CDKL2: variants seen among roughly 807,000 people sequenced by gnomAD.
The protein encoded by CDKL2 is cyclin dependent kinase like 2.
Under a neutral mutation model 63.9 loss-of-function variants are expected in CDKL2, and 64 were observed. That is an observed-to-expected ratio of 1.00 (90% CI 0.82 to 1.23). CDKL2 has a LOEUF of 1.23. Ranked by LOEUF, CDKL2 falls within the 50% of genes most tolerant of loss-of-function variation. CDKL2 has a pLI of 0.00. For synonymous variants in CDKL2, 211 were observed against 229.2 expected, an observed-to-expected ratio of 0.92 and a Z score of 0.72; for missense variants, 656 against 668.0, an observed-to-expected ratio of 0.98 and a Z score of 0.20.
At chr4:75,620,963 T>G in intron 2 of CDKL2, among the ~76,000 whole-genome samples, 1 of 147,776 alleles carries the variant, frequency 6.8e-6, no homozygotes, top group Non-Finnish European at 1.5e-5. Context: ...TGAGATGGAG[T>G]CTTACTCTGT....
chr4:75,626,839 T>C (rs893699660), intron 1 of CDKL2, among the ~76,000 whole-genome samples: 2 of 150,450 alleles, frequency 1.3e-5, no homozygotes, highest in African/African-American at 4.9e-5. Context: ...TGCAGTGAGC[T>C]GTGATGGCAC....
chr4:75,612,043 T>C (rs369827355), intron 3 of CDKL2, among the ~76,000 whole-genome samples: 5 of 152,242 alleles, frequency 3.3e-5, no homozygotes, highest in South Asian at 2.1e-4. Flanking sequence ...CGATCTCAGC[T>C]CACTGCAACC....
At chr4:75,627,394 T>A (rs928586822) in intron 1 of CDKL2, among the ~76,000 whole-genome samples, 3 of 151,776 alleles carry the variant, frequency 2.0e-5, no homozygotes, top group Non-Finnish European at 4.4e-5. Flanking sequence ...TGCCTCCGCC[T>A]CTGAGTAGCT....
intron 10 of CDKL2, among the ~76,000 whole-genome samples, chr4:75,593,838 G>A (rs941932713): frequency 1.3e-5 from 2 of 152,218 alleles, no homozygotes; most frequent in Non-Finnish European, 1.5e-5. Flanking sequence ...TGAAGATAGT[G>A]AGAGAAATAG....
At position 75,614,303 on chromosome 4, in the gene CDKL2, C is replaced by A; in HGVS notation, c.315G>T (p.Lys105Asn). 1.2e-6 allele frequency: 2 copies of A among 1,609,408 alleles called. No homozygotes were observed. Among genetic ancestry groups the A allele is most frequent in the Non-Finnish European group, 1.7e-6 (2 of 1,178,524 alleles). ...TTCCATTAATAATCTGAAACAAATA[C>A]TTTTGAACTACTTGGTAGTCTAGTC... ...PNGLDYQVVQ[K>N]YLFQIINGIG... Residue 105 changes from lysine to asparagine, a missense_variant, in exon 3 of 14, where the codon AAG (lysine) becomes AAT (asparagine). By Grantham distance (94) the Lys-to-Asn change is moderately conservative. Transcript: ENST00000307465.
intron 12 of CDKL2, among the ~76,000 whole-genome samples, chr4:75,584,545 AAAAT>A (rs965977565): frequency 6.8e-4 from 103 of 152,200 alleles, no homozygotes; most frequent in Admixed American, 2.0e-4. Context: ...AAACTGTGAG[AAAAT>A]AAATAGATAT....
At chr4:75,583,358 T>TTGAATGTGTGGGCCACTTCTATTCACATA (rs1451691793) in intron 12 of CDKL2, among the ~76,000 whole-genome samples, 1 of 152,232 alleles carries the variant, frequency 6.6e-6, no homozygotes, top group Non-Finnish European at 1.5e-5. Flanking sequence ...CATATTCATG[T>TTGAATGTGTGGGCCACTTCTATTCACATA]TTCATAGCTC....
At chr4:75,582,883 ATC>A (rs1222192707) in intron 12 of CDKL2, among the ~76,000 whole-genome samples, 4 of 152,228 alleles carry the variant, frequency 2.6e-5, no homozygotes, top group African/African-American at 9.6e-5. Context: ...GAAGAATCCC[ATC>A]TTTATAGTGC....
chr4:75,594,009 C>A (rs1263715778), intron 10 of CDKL2, among the ~76,000 whole-genome samples: 1 of 152,174 alleles, frequency 6.6e-6, no homozygotes, highest in African/African-American at 2.4e-5. Context: ...CCTAGACTTT[C>A]TTCAACTTGT....
At position 75,598,216 on chromosome 4, in the gene CDKL2, C is replaced by T; in HGVS notation, c.885-4G>A. ...TAACTGTAGTTCTTGGGAAAACCTA[C>T]ATAAAAATATAATAAAATAAAATTG... On this transcript the variant is annotated splice_polypyrimidine_tract_variant and splice_region_variant and intron_variant, in intron 7 of 13. Coordinates refer to ENST00000307465, the MANE Select transcript of CDKL2 (RefSeq NM_001330724.2). The T allele has an allele frequency of 7.2e-7, 1 of 1,391,306 alleles. No homozygotes were observed. The highest frequency in any genetic ancestry group is 2.4e-5 in the East Asian group (1 of 40,972). 86.2% of individuals were successfully genotyped at this position (1,391,306 alleles called of 1,614,324 possible). A position where few individuals can be genotyped will look rare whatever the true frequency, so the allele number is the denominator to read the frequency against.
intron 3 of CDKL2, among the ~76,000 whole-genome samples, chr4:75,613,965 G>C (rs1729813692): frequency 6.6e-6 from 1 of 152,160 alleles, no homozygotes; most frequent in Non-Finnish European, 1.5e-5. Flanking sequence ...GCTGAGGCAA[G>C]AGAATCACTT....
Position 75,588,003 on chromosome 4 carries a change from T to A in CDKL2, c.1647+3816A>T, listed in dbSNP as rs567677414. On this transcript the variant is annotated intron_variant, in intron 12 of 13. Coordinates refer to ENST00000307465, the MANE Select transcript of CDKL2 (RefSeq NM_001330724.2). Reference sequence around the variant, plus strand: ...GCCAAGGCAGGCGGATCACCTGAGGTCGGGAGTTCAAGACCAGCCTGACCA... The same window carrying A: ...GCCAAGGCAGGCGGATCACCTGAGGACGGGAGTTCAAGACCAGCCTGACCA... Among the ~76,000 whole-genome samples, 20 of 150,862 alleles carry A rather than the reference T, an allele frequency of 1.3e-4. No homozygotes were observed. In the East Asian group the frequency reaches 3.7e-3, roughly 28 times the overall value.
intron 1 of CDKL2, among the ~76,000 whole-genome samples, chr4:75,627,138 G>A (rs1284269214): frequency 2.0e-5 from 3 of 151,664 alleles, no homozygotes; most frequent in South Asian, 2.1e-4. Flanking sequence ...AGGAGGCGGA[G>A]GTTGCAGTGA....
At position 75,599,548 on chromosome 4, in the gene CDKL2, C is replaced by CAAAAAAAA. The variant is rs71657365; in HGVS notation, c.884+725_884+732dup. Among the ~76,000 whole-genome samples, 181 of 69,588 alleles carry CAAAAAAAA rather than the reference C, an allele frequency of 2.6e-3. 1 individual carries two copies. The highest frequency in any genetic ancestry group is 2.9e-3 in the Non-Finnish European group (113 of 38,986). 45.7% of individuals were successfully genotyped at this position (69,588 alleles called of 152,430 possible). Reference sequence around the variant, plus strand: ...TGCACTCCAGCCTGGGCAACAAGAGCAAAAAAAAAAAAAAAAAAAAAAGAA... The same window carrying CAAAAAAAA: ...TGCACTCCAGCCTGGGCAACAAGAGCAAAAAAAAAAAAAAAAAAAAAAAAAAAAAAGAA... On this transcript the variant is annotated intron_variant, in intron 7 of 13. Coordinates refer to ENST00000307465, the MANE Select transcript of CDKL2 (RefSeq NM_001330724.2).
Position 75,612,997 on chromosome 4 carries a change from C to T in CDKL2, c.363+1258G>A, listed in dbSNP as rs1010745257. 3.3e-5 allele frequency among the ~76,000 whole-genome samples: 5 copies of T among 152,244 alleles called. No individual in the cohort carries two copies. In the East Asian group the frequency reaches 7.7e-4, roughly 24 times the overall value. On this transcript the variant is annotated intron_variant, in intron 3 of 13. Coordinates refer to ENST00000307465, the MANE Select transcript of CDKL2 (RefSeq NM_001330724.2). ...AAAATTCTCCGGGCGTGGTGGCGGG[C>T]GCCTGTAGTCCCAGCTACTCCGGAG... is the stretch of plus-strand genomic sequence containing the variant.
chr4:75,629,812 C>T lies in CDKL2; in HGVS notation c.-30+230G>A, dbSNP rs112858408. Among the ~76,000 whole-genome samples the T allele has an allele frequency of 3.5e-3, 526 of 151,810 alleles. 2 individuals are homozygous for T. The highest frequency in any genetic ancestry group is 0.012 in the African/African-American group (512 of 41,414). On this transcript the variant is annotated intron_variant, in intron 1 of 13. Coordinates refer to ENST00000307465, the MANE Select transcript of CDKL2 (RefSeq NM_001330724.2). ...AACTTAGCCGGGCGTGGTGGTGATG[C>T]CTGTAATCCCAGCTACTTGGGAGGC...
At chr4:75,594,549 G>A (rs991160791) in intron 10 of CDKL2, among the ~76,000 whole-genome samples, 8 of 152,080 alleles carry the variant, frequency 5.3e-5, no homozygotes, top group Admixed American at 1.3e-4. Context: ...CGTTCTAGCT[G>A]GGGGAGACAG....
At chr4:75,584,225 G>C (rs573481474) in intron 12 of CDKL2, among the ~76,000 whole-genome samples, 1 of 152,292 alleles carries the variant, frequency 6.6e-6, no homozygotes, top group African/African-American at 2.4e-5. Context: ...CAGAAGGAGT[G>C]GTCAGAGAGA....
chr4:75,583,487 C>T (rs1270572502), intron 12 of CDKL2, among the ~76,000 whole-genome samples: 3 of 152,144 alleles, frequency 2.0e-5, no homozygotes, highest in Admixed American at 6.6e-5. Flanking sequence ...AAATCTTTCA[C>T]GGAATCATAA....
Sources: allele counts gnomAD v4.1 joint callset (sites outside exome capture counted in the v4.1 genomes callset), GRCh38; gene constraint gnomAD v4.1.1; transcripts MANE v1.5; gene names NCBI Gene and HGNC (gene_info 2026-07-23, HGNC 2026-07-21).